CR1L: variants seen among roughly 807,000 people sequenced by gnomAD.
CR1L encodes the protein complement component receptor 1-like protein.
CR1L carries 59 observed loss-of-function variants against 62.3 expected under a neutral mutation model. The ratio of observed to expected loss-of-function variants is 0.95; its 90% confidence interval spans 0.77 to 1.18. The LOEUF is 1.18. Ranked by LOEUF, CR1L falls within the 50% of genes most tolerant of loss-of-function variation. CR1L has a pLI of 0.00. For missense variants in CR1L, 700 were observed against 702.8 expected, an observed-to-expected ratio of 1.00 and a Z score of 0.04; for synonymous variants, 279 against 248.7, an observed-to-expected ratio of 1.12 and a Z score of -1.15.
intron 1 of CR1L, 149 bp downstream of exon 1, chr1:207,645,479 C>G: frequency 2.3e-6 from 2 of 875,100 alleles, no homozygotes; most frequent in South Asian, 3.0e-5. Flanking sequence ...GTGCCGTGCT[C>G]AGATCCCGGG....
intron 2 of CR1L, 56 bp from the exon 3 acceptor site, chr1:207,678,142 T>TA (rs3215758): frequency 0.066 from 98,271 of 1,478,490 alleles, 5,011 homozygotes; most frequent in East Asian, 0.35. Flanking sequence ...CCTTATGTAC[T>TA]AAAAAAAAAT....
At chr1:207,676,178 T>C (rs144914658) in intron 1 of CR1L, among the ~76,000 whole-genome samples, 1 of 152,284 alleles carries the variant, frequency 6.6e-6, no homozygotes, top group African/African-American at 2.4e-5. Context: ...AGCTTCCCCT[T>C]TAGTGAAAGA....
chr1:207,651,031 C>G (rs34775017), intron 1 of CR1L, among the ~76,000 whole-genome samples: 5,395 of 152,036 alleles, frequency 0.035, 134 homozygotes, highest in Non-Finnish European at 0.053. Context: ...GTGATCCGCC[C>G]GCCTCGGCCT....
chr1:207,650,575 T>C (rs1046384372), intron 1 of CR1L, among the ~76,000 whole-genome samples: 5 of 152,156 alleles, frequency 3.3e-5, no homozygotes, highest in African/African-American at 1.2e-4. Context: ...AGAGTTTATG[T>C]TTTGTGGAAG....
chr1:207,683,738 G>A (rs1359819902), intron 3 of CR1L, 134 bp from the exon 4 acceptor site: 2 of 752,882 alleles, frequency 2.7e-6, no homozygotes, highest in African/African-American at 3.4e-5. Context: ...ATTTGGGAAG[G>A]TGATAGACAA....
Position 207,697,885 on chromosome 1 carries a change from CT to C in CR1L, c.1142+14del. The C allele has an allele frequency of 1.2e-6, 2 of 1,613,728 alleles. No individual in the cohort carries two copies. The highest frequency in any genetic ancestry group is 4.5e-5 in the East Asian group (2 of 44,880). Reference sequence around the variant, plus strand: ...GTTTGTGATGAAGGGTGAGTATGAGCTTGCCTGACCTGCTGGACATTGAAAT... The same window carrying C: ...GTTTGTGATGAAGGGTGAGTATGAGCTGCCTGACCTGCTGGACATTGAAAT... On this transcript the variant is annotated intron_variant, in intron 7 of 11. Coordinates refer to ENST00000508064, the MANE Select transcript of CR1L (RefSeq NM_175710.2).
intron 5 of CR1L, among the ~76,000 whole-genome samples, chr1:207,695,735 C>T (rs1161497549): frequency 6.6e-6 from 1 of 152,134 alleles, no homozygotes; most frequent in Non-Finnish European, 1.5e-5. Context: ...CTGAAGACTC[C>T]TCAGGAAACT....
intron 10 of CR1L, among the ~76,000 whole-genome samples, chr1:207,710,969 T>C (rs1445709473): frequency 6.6e-6 from 1 of 152,218 alleles, no homozygotes; most frequent in Non-Finnish European, 1.5e-5. Context: ...GTCTTCATTT[T>C]GAAAAGCAAG....
intron 1 of CR1L, 133 bp downstream of exon 1, chr1:207,645,463 C>A: frequency 1.0e-6 from 1 of 979,648 alleles, no homozygotes; most frequent in Non-Finnish European, 1.6e-6. Context: ...CAGGGTTCTC[C>A]GAGGGGTGCC....
chr1:207,660,312 A>T lies in CR1L; in HGVS notation c.97+14982A>T, dbSNP rs182410017. 1.8e-3 allele frequency among the ~76,000 whole-genome samples: 277 copies of T among 152,318 alleles called. 1 individual carries two copies. Among genetic ancestry groups the T allele is most frequent in the African/African-American group, 6.3e-3 (262 of 41,576 alleles). ...TCACACAGGTGGGTGCCCCTCTAGG[A>T]TGAAGCTTCCAGAGGAAGGATCAGG... On this transcript the variant is annotated intron_variant, in intron 1 of 11. Transcript: ENST00000508064.
At chr1:207,648,071 C>T (rs552748521) in intron 1 of CR1L, among the ~76,000 whole-genome samples, 5 of 151,532 alleles carry the variant, frequency 3.3e-5, no homozygotes, top group Admixed American at 1.3e-4. Flanking sequence ...GGCTGAAGGG[C>T]GTGAAGGGGG....
intron 1 of CR1L, among the ~76,000 whole-genome samples, chr1:207,676,266 A>G (rs1308657894): frequency 6.6e-6 from 1 of 152,156 alleles, no homozygotes; most frequent in African/African-American, 2.4e-5. Flanking sequence ...TTTTAAAAAA[A>G]GAGCCCATTT....
intron 1 of CR1L, among the ~76,000 whole-genome samples, chr1:207,675,881 G>T (rs1022668426): frequency 6.6e-6 from 1 of 152,126 alleles, no homozygotes; most frequent in Non-Finnish European, 1.5e-5. Flanking sequence ...GAGAAAATAC[G>T]TCTTCTTTAT....
chr1:207,672,292 C>T lies in CR1L; in HGVS notation c.98-5097C>T, dbSNP rs542517481. Among the ~76,000 whole-genome samples, 38 of 150,440 alleles carry T rather than the reference C, an allele frequency of 2.5e-4. 1 individual carries two copies. The highest frequency in any genetic ancestry group is 8.5e-4 in the African/African-American group (34 of 39,968). On this transcript the variant is annotated intron_variant, in intron 1 of 11. Coordinates refer to ENST00000508064, the MANE Select transcript of CR1L (RefSeq NM_175710.2). ...GAAAATTATTAGGAATAAAGAGGGT[C>T]ATCATATAATGATAAAGGGGCTAAT... is the stretch of plus-strand genomic sequence containing the variant.
Position 207,677,516 on chromosome 1 carries a change from T to C in CR1L, c.225T>C (p.Ser75=). 6.2e-7 allele frequency: 1 copy of C among 1,613,968 alleles called. No homozygotes were observed. The highest frequency in any genetic ancestry group is 8.5e-7 in the Non-Finnish European group (1 of 1,179,882). ...CTGGTTATTCCGGAAGACCGTTTTC[T>C]ATCATCTGCCTAAAAAACTCAGTCT... ...CRPGYSGRPF[S]IICLKNSVWT... is the part of the protein sequence containing the mutation. The change falls in exon 2 of 12, where the codon TCT becomes TCC. Residue 75 remains serine (S), a synonymous_variant. Coordinates refer to ENST00000508064, the MANE Select transcript of CR1L (RefSeq NM_175710.2).
At chr1:207,706,674 T>C (rs2102476225) in intron 9 of CR1L, among the ~76,000 whole-genome samples, 1 of 152,336 alleles carries the variant, frequency 6.6e-6, no homozygotes, top group African/African-American at 2.4e-5. Context: ...GCACTTCTGT[T>C]GAGCCAAGCT....
intron 1 of CR1L, among the ~76,000 whole-genome samples, chr1:207,662,551 A>AT (rs977254443): frequency 6.6e-6 from 1 of 151,794 alleles, no homozygotes; most frequent in Non-Finnish European, 1.5e-5. Context: ...CATTCATCTA[A>AT]TTTTTTTTCA....
intron 11 of CR1L, among the ~76,000 whole-genome samples, chr1:207,718,132 T>C (rs1558027668): frequency 6.6e-6 from 1 of 152,162 alleles, no homozygotes; most frequent in East Asian, 1.9e-4. Context: ...TTTAAGAAAT[T>C]CAGATGTAGG....
At chr1:207,720,347 C>A (rs74948403) in intron 11 of CR1L, among the ~76,000 whole-genome samples, 1,901 of 152,144 alleles carry the variant, frequency 0.012, 9 homozygotes, top group Admixed American at 0.021. Flanking sequence ...AAAATTAAAC[C>A]CAGTATTTTT....
Sources: allele counts gnomAD v4.1 joint callset (sites outside exome capture counted in the v4.1 genomes callset), GRCh38; gene constraint gnomAD v4.1.1; transcripts MANE v1.5; gene names NCBI Gene and HGNC (gene_info 2026-07-23, HGNC 2026-07-21).